ZNF521: variants seen among roughly 807,000 people sequenced by gnomAD.
The protein encoded by ZNF521 is zinc finger protein 521, also known as LYST-interacting protein 3.
ZNF521 carries 14 observed loss-of-function variants against 105.5 expected under a neutral mutation model. That is an observed-to-expected ratio of 0.13 (90% CI 0.09 to 0.21). ZNF521 has a LOEUF of 0.21. Ranked by LOEUF, ZNF521 falls within the 10% of genes least tolerant of loss-of-function variation. The pLI is 1.00. For missense variants in ZNF521, 1,233 were observed against 1,629.7 expected, an observed-to-expected ratio of 0.76 and a Z score of 4.19; for synonymous variants, 635 against 606.0, an observed-to-expected ratio of 1.05 and a Z score of -0.70.
Position 25,062,745 on chromosome 18 carries a change from TAAATAAC to T in ZNF521, c.3907-11_3907-5del. 1 of 936,796 alleles carries T rather than the reference TAAATAAC, an allele frequency of 1.1e-6. No homozygotes were observed. The highest frequency in any genetic ancestry group is 1.5e-6 in the Non-Finnish European group (1 of 685,066). 58.0% of individuals were successfully genotyped at this position (936,796 alleles called of 1,614,324 possible). A position where few individuals can be genotyped will look rare whatever the true frequency, so the allele number is the denominator to read the frequency against. On this transcript the variant is annotated splice_region_variant and splice_polypyrimidine_tract_variant and intron_variant, in intron 7 of 7. Transcript: ENST00000361524. ...TGTGTTGGGTCATTGTATGATTCTG[TAAATAAC>T]AAAAAAAAAAAAAAAAAAAAAAAAA...
At chr18:25,181,155 T>A (rs988148860) in intron 5 of ZNF521, among the ~76,000 whole-genome samples, 8 of 152,198 alleles carry the variant, frequency 5.3e-5, no homozygotes, top group African/African-American at 1.9e-4. Flanking sequence ...TCCTGCTTGA[T>A]AAATTCCAAC....
intron 4 of ZNF521, among the ~76,000 whole-genome samples, chr18:25,200,659 AT>A (rs2035977298): frequency 6.6e-6 from 1 of 151,984 alleles, no homozygotes; most frequent in South Asian, 2.1e-4. Flanking sequence ...TTAAGAATCT[AT>A]TTGTCTTCTT....
In ZNF521 at chr18:25,067,379, C is replaced by T. The variant is rs562730236; in HGVS notation, c.3907-4638G>A. Among the ~76,000 whole-genome samples, 12 of 152,136 alleles carry T rather than the reference C, an allele frequency of 7.9e-5. No homozygotes were observed. In the South Asian group the frequency reaches 1.7e-3, roughly 21 times the overall value. On this transcript the variant is annotated intron_variant, in intron 7 of 7. Coordinates refer to ENST00000361524, the MANE Select transcript of ZNF521 (RefSeq NM_015461.3). ...TAAACTTAGAAAGCTAAAAAACAGA[C>T]GAGGGCCTTAAAAATTCCCTTCTAG...
At chr18:25,294,384 T>G (rs1911203947) in intron 3 of ZNF521, among the ~76,000 whole-genome samples, 1 of 152,226 alleles carries the variant, frequency 6.6e-6, no homozygotes, top group South Asian at 2.1e-4. Flanking sequence ...TTGTCAAATT[T>G]GATTCTATAG....
intron 2 of ZNF521, among the ~76,000 whole-genome samples, chr18:25,322,721 T>G (rs2145149373): frequency 6.6e-6 from 1 of 152,290 alleles, no homozygotes; most frequent in Non-Finnish European, 1.5e-5. Context: ...CCATTATTTG[T>G]TAGACAGTGA....
chr18:25,348,125 C>A (rs1914541703), intron 2 of ZNF521, among the ~76,000 whole-genome samples: 1 of 152,144 alleles, frequency 6.6e-6, no homozygotes, highest in Non-Finnish European at 1.5e-5. Context: ...ACAGGACTGC[C>A]TTTCTATACC....
In ZNF521 at chr18:25,225,766, T is replaced by G; in HGVS notation, c.2152A>C (p.Thr718Pro). 15 of 1,614,224 alleles carry G rather than the reference T, an allele frequency of 9.3e-6. No homozygotes were observed. Among genetic ancestry groups the G allele is most frequent in the Non-Finnish European group, 1.3e-5 (15 of 1,180,028 alleles). Residue 718 changes from threonine (T) to proline (P), a missense_variant, in exon 4 of 8, where the codon ACC (threonine) becomes CCC (proline). Transcript: ENST00000361524. The surrounding 1 kb of genome is among the most constrained non-coding windows in gnomAD (Gnocchi z 5.6). ...AGGGTGCAGCGAAAGAAGACAAAGG[T>G]GTGCATGTCCAGCAGGTGTTTCTGA... is the stretch of plus-strand genomic sequence containing the variant. The part of the protein sequence containing the change: ...DLQKHLLDMH[T>P]FVFFRCTLCQ...
intron 3 of ZNF521, among the ~76,000 whole-genome samples, chr18:25,235,480 G>T (rs966502776): frequency 6.6e-6 from 1 of 152,110 alleles, no homozygotes; most frequent in Non-Finnish European, 1.5e-5. Flanking sequence ...CCACGTTAAT[G>T]GTTTTGGAAG....
At chr18:25,169,697 C>A (rs2035413197) in intron 5 of ZNF521, among the ~76,000 whole-genome samples, 1 of 152,002 alleles carries the variant, frequency 6.6e-6, no homozygotes, top group Non-Finnish European at 1.5e-5. Flanking sequence ...TCTTGAAGAG[C>A]AATTGTCCTG....
intron 2 of ZNF521, among the ~76,000 whole-genome samples, chr18:25,347,030 T>C (rs1218668556): frequency 6.6e-6 from 1 of 152,164 alleles, no homozygotes. Context: ...TTAGGTAAAA[T>C]GGCCGAGAAA....
chr18:25,268,101 GCTTAAAAACACAGCACGAGAA>G (rs1909397658), intron 3 of ZNF521, among the ~76,000 whole-genome samples: 1 of 152,210 alleles, frequency 6.6e-6, no homozygotes, highest in Non-Finnish European at 1.5e-5. Context: ...AACTGATGGA[GCTTAAAAACACAGCACGAGAA>G]CTTCCTGCAG....
At chr18:25,151,776 A>C (rs1384315677) in intron 5 of ZNF521, among the ~76,000 whole-genome samples, 1 of 152,178 alleles carries the variant, frequency 6.6e-6, no homozygotes, top group Non-Finnish European at 1.5e-5. Flanking sequence ...TTCACAGCCC[A>C]GGATCCAGGT....
intron 3 of ZNF521, among the ~76,000 whole-genome samples, chr18:25,294,787 G>A (rs570172261): frequency 2.2e-4 from 33 of 146,968 alleles, no homozygotes; most frequent in Non-Finnish European, 4.0e-4. Context: ...CCCAGGAGGC[G>A]GAGACAGCAG....
chr18:25,291,761 C>G (rs868255032), intron 3 of ZNF521, among the ~76,000 whole-genome samples: 1 of 152,046 alleles, frequency 6.6e-6, no homozygotes. Context: ...ACAACATAAG[C>G]CTCTACAAGT....
chr18:25,308,857 G>A (rs1912141456), intron 3 of ZNF521, among the ~76,000 whole-genome samples: 1 of 152,024 alleles, frequency 6.6e-6, no homozygotes, highest in Non-Finnish European at 1.5e-5. Flanking sequence ...GGTCTTCTTA[G>A]TGTAGCAAGA....
Position 25,328,434 on chromosome 18 carries a change from C to T in ZNF521, c.41-6247G>A, listed in dbSNP as rs180805315. 7.3e-3 allele frequency among the ~76,000 whole-genome samples: 1,117 copies of T among 152,024 alleles called. 9 individuals are homozygous for T. Among genetic ancestry groups the T allele is most frequent in the Non-Finnish European group, 0.01 (680 of 67,934 alleles). On this transcript the variant is annotated intron_variant, in intron 2 of 7. Transcript: ENST00000361524. Reference sequence around the variant, plus strand: ...ACACACACACACACACACACACACACACACACACACACACGCATTCACTTT... The same window carrying T: ...ACACACACACACACACACACACACATACACACACACACACGCATTCACTTT...
intron 5 of ZNF521, among the ~76,000 whole-genome samples, chr18:25,188,096 T>C (rs2035757107): frequency 6.6e-6 from 1 of 152,096 alleles, no homozygotes; most frequent in Non-Finnish European, 1.5e-5. Flanking sequence ...GCTTGTCTCC[T>C]TTCCAGCTCC....
At chr18:25,147,911 C>G (rs191588691) in intron 5 of ZNF521, among the ~76,000 whole-genome samples, 2 of 152,268 alleles carry the variant, frequency 1.3e-5, no homozygotes, top group East Asian at 3.9e-4. Context: ...CCTGTCCTGA[C>G]CGAACACCAT....
chr18:25,143,852 A>G (rs2034896238), intron 5 of ZNF521, among the ~76,000 whole-genome samples: 1 of 152,180 alleles, frequency 6.6e-6, no homozygotes, highest in South Asian at 2.1e-4. Flanking sequence ...AAGTGATACA[A>G]TCAGTTATAC....
Sources: gnomAD v4.1 joint callset for allele counts (sites outside exome capture counted in the v4.1 genomes callset) on GRCh38, gnomAD v4.1.1 for gene constraint, Gnocchi (gnomAD v3.1) non-coding constraint, MANE v1.5 for transcripts, NCBI Gene and HGNC (gene_info 2026-07-23, HGNC 2026-07-21) for gene names.